ITPKA: variants seen among roughly 807,000 people sequenced by gnomAD.
ITPKA encodes the protein inositol-trisphosphate 3-kinase A.
Under a neutral mutation model 40.7 loss-of-function variants are expected in ITPKA, and 16 were observed. That is an observed-to-expected ratio of 0.39 (90% confidence interval 0.27 to 0.60). The LOEUF (loss-of-function observed/expected upper bound fraction) is 0.60, where lower values mean the gene tolerates loss of function less well. ITPKA is among the 20% of genes least tolerant of loss of function. The pLI is 0.50. For synonymous variants in ITPKA, 313 were observed against 289.9 expected (o/e 1.08, Z -0.81); for missense variants, 540 against 649.3 (o/e 0.83, Z 1.83).
intron 1 of ITPKA, among the ~76,000 whole-genome samples, chr15:41,499,422 AGCT>A (rs1481167041): frequency 1.3e-5 from 2 of 152,212 alleles, no homozygotes; most frequent in Non-Finnish European, 2.9e-5. Context: ...TTACGGCAGC[AGCT>A]ATGTCCTCCC....
At chr15:41,496,496 G>T (rs531436786) in intron 1 of ITPKA, among the ~76,000 whole-genome samples, 103 of 152,354 alleles carry the variant, frequency 6.8e-4, no homozygotes, top group African/African-American at 2.4e-3. Flanking sequence ...TCACAGGCAG[G>T]CTTTTCCTAA....
rs367624340 is a variant in ITPKA, at chr15:41,503,148, C to T, written c.1368C>T (p.Ala456=). 3.4e-5 allele frequency: 54 copies of T among 1,588,458 alleles called. 1 individual carries two copies. Among genetic ancestry groups the T allele is most frequent in the Non-Finnish European group, 4.6e-5 (53 of 1,160,522 alleles). The change falls in exon 7 of 7, where the codon GCC becomes GCT. Residue 456 remains alanine (A), a synonymous_variant. Coordinates refer to ENST00000260386, the MANE Select transcript of ITPKA (RefSeq NM_002220.3). ...TGGACAATCTCATTGGCATCCTGGCCAGCCTGGCTGAGAGATGAGGCTGGA... is the reference window on the plus strand; with the variant it reads ...TGGACAATCTCATTGGCATCCTGGCTAGCCTGGCTGAGAGATGAGGCTGGA... ...LGLDNLIGIL[A]SLAER
chr15:41,501,876 TG>T (rs775095464), intron 3 of ITPKA, 25 bp downstream of exon 3: 2 of 1,607,768 alleles, frequency 1.2e-6, no homozygotes, highest in Admixed American at 1.7e-5. Flanking sequence ...CCAGGTCGGT[TG>T]GGGGGATCAA....
At position 41,503,008 on chromosome 15, in the gene ITPKA, G is replaced by C; in HGVS notation, c.1228G>C (p.Ala410Pro). The C allele has an allele frequency of 6.2e-7, 1 of 1,608,016 alleles. No homozygotes were observed. Among genetic ancestry groups the C allele is most frequent in the Non-Finnish European group, 8.5e-7 (1 of 1,176,738 alleles). Residue 410 changes from alanine to proline, a missense_variant, in exon 7 of 7, where the codon GCC becomes CCC. Physicochemically the swap from Ala to Pro is conservative, Grantham distance 27. Coordinates refer to ENST00000260386, the MANE Select transcript of ITPKA (RefSeq NM_002220.3). ...CTTTGTGCACGATCACTGCCATCGCGCCGGCGTGTGGCTCATCGACTTCGG... is the reference window on the plus strand; with the variant it reads ...CTTTGTGCACGATCACTGCCATCGCCCCGGCGTGTGGCTCATCGACTTCGG... ...LLFVHDHCHR[A>P]GVWLIDFGKT...
At position 41,501,454 on chromosome 15, in the gene ITPKA, C is replaced by G. The variant is rs2051109553; in HGVS notation, c.490-9C>G. Reference sequence around the variant, plus strand: ...GCCGATTATCAGACCTTGACCCTGTCGCTTTCAGAAAAACCACTGGCAGAA... The same window carrying G: ...GCCGATTATCAGACCTTGACCCTGTGGCTTTCAGAAAAACCACTGGCAGAA... On this transcript the variant is annotated splice_polypyrimidine_tract_variant and intron_variant, in intron 1 of 6. Transcript: ENST00000260386. 3.7e-6 allele frequency: 6 copies of G among 1,604,552 alleles called. No homozygotes were observed. Among genetic ancestry groups the G allele is most frequent in the South Asian group, 1.1e-5 (1 of 88,988 alleles).
At chr15:41,495,297 T>C (rs973103366) in intron 1 of ITPKA, among the ~76,000 whole-genome samples, 4 of 152,194 alleles carry the variant, frequency 2.6e-5, no homozygotes, top group Non-Finnish European at 4.4e-5. Flanking sequence ...CGAAGGACTT[T>C]CTTTAGATCC....
At chr15:41,498,166 C>T (rs2051087090) in intron 1 of ITPKA, among the ~76,000 whole-genome samples, 1 of 151,862 alleles carries the variant, frequency 6.6e-6, no homozygotes, top group African/African-American at 2.4e-5. Context: ...ATCAACCAGG[C>T]ATGGTGACTC....
chr15:41,499,413 T>TA (rs1223761733), intron 1 of ITPKA, among the ~76,000 whole-genome samples: 1 of 152,202 alleles, frequency 6.6e-6, no homozygotes, highest in East Asian at 1.9e-4. Flanking sequence ...TGGTTCGTGT[T>TA]ACGGCAGCAG....
Position 41,494,469 on chromosome 15 carries a change from C to T in ITPKA, c.489+53C>T, listed in dbSNP as rs1156660999. On this transcript the variant is annotated intron_variant, in intron 1 of 6. Transcript: ENST00000260386. The surrounding 1 kb of genome is among the most constrained non-coding windows in gnomAD (Gnocchi z 7.8). ...CCGGGCGCGGGGGCTGCACGGGGGA[C>T]CTGGCTGGGTGCTCCCGGAGGACCC... 2.3e-5 allele frequency: 29 copies of T among 1,246,516 alleles called. No homozygotes were observed. The highest frequency in any genetic ancestry group is 3.1e-5 in the Non-Finnish European group (29 of 950,616). 77.2% of individuals were successfully genotyped at this position (1,246,516 alleles called of 1,614,324 possible).
chr15:41,495,737 C>T (rs966255241), intron 1 of ITPKA, among the ~76,000 whole-genome samples: 1 of 152,244 alleles, frequency 6.6e-6, no homozygotes, highest in Admixed American at 6.5e-5. Context: ...AGAGGCCCCC[C>T]GCCCCGCCTC....
chr15:41,502,225 C>G (rs759550396), intron 4 of ITPKA, 24 bp downstream of exon 4: 2 of 1,548,486 alleles, frequency 1.3e-6, no homozygotes. Flanking sequence ...GCTTCGCTGG[C>G]ACCGCCGCAG....
At chr15:41,501,043 C>G (rs1338038624) in intron 1 of ITPKA, among the ~76,000 whole-genome samples, 2 of 145,734 alleles carry the variant, frequency 1.4e-5, no homozygotes, top group Admixed American at 6.9e-5. Flanking sequence ...AATGGCCCTA[C>G]TCTAGACCAA....
At chr15:41,501,096 A>T (rs909926576) in intron 1 of ITPKA, among the ~76,000 whole-genome samples, 1 of 152,006 alleles carries the variant, frequency 6.6e-6, no homozygotes, top group Non-Finnish European at 1.5e-5. Flanking sequence ...TGCAATTTTT[A>T]ACAAGGGTGA....
chr15:41,501,266 C>T (rs2051107882), intron 1 of ITPKA, 197 bp from the exon 2 acceptor site: 2 of 970,216 alleles, frequency 2.1e-6, no homozygotes, highest in Admixed American at 6.2e-5. Flanking sequence ...CTGGAATCAC[C>T]TTCACTGCGC....
chr15:41,502,567 T>A (rs997757651), intron 5 of ITPKA, 64 bp downstream of exon 5: 1 of 1,047,068 alleles, frequency 9.6e-7, no homozygotes, highest in Admixed American at 1.7e-5. Context: ...GCCCCTGTCA[T>A]CTGGCCCAGT....
intron 4 of ITPKA, 53 bp downstream of exon 4, chr15:41,502,254 T>C (rs1490877917): frequency 1.3e-6 from 2 of 1,520,908 alleles, no homozygotes; most frequent in Admixed American, 1.9e-5. Context: ...CGCGCTGTCT[T>C]TCCCGATCCC....
rs984607372 is a variant in ITPKA at position 41,495,240 on chromosome 15, C to A, written c.489+824C>A. Among the ~76,000 whole-genome samples, 68 of 152,240 alleles carry A rather than the reference C, an allele frequency of 4.5e-4. 1 individual carries two copies. The highest frequency in any genetic ancestry group is 1.6e-3 in the African/African-American group (66 of 41,464). ...CCCGGGACACCCTCCTTGTTCCCCT[C>A]GTTTTAACCAAGGCCAAATACCTTG... On this transcript the variant is annotated intron_variant, in intron 1 of 6. Transcript: ENST00000260386.
In ITPKA at chr15:41,501,610, G is replaced by A. The variant is rs567117607; in HGVS notation, c.587-25G>A. The A allele has an allele frequency of 9.2e-5, 146 of 1,589,100 alleles. No individual in the cohort carries two copies. In the African/African-American group the frequency reaches 1.6e-3, roughly 18 times the overall value. ...TGCCCGCGACGGGAAGGGGCTGGGCGGCGCTGACGGATGCCGGTCCTCAGG... is the reference window on the plus strand; with the variant it reads ...TGCCCGCGACGGGAAGGGGCTGGGCAGCGCTGACGGATGCCGGTCCTCAGG... On this transcript the variant is annotated intron_variant, in intron 2 of 6. Transcript: ENST00000260386.
At chr15:41,495,061 G>A (rs2051061452) in intron 1 of ITPKA, among the ~76,000 whole-genome samples, 1 of 152,238 alleles carries the variant, frequency 6.6e-6, no homozygotes, top group African/African-American at 2.4e-5. Context: ...GGCAGAGAGG[G>A]GCGGTAAACT....
Sources: gnomAD v4.1 joint callset for allele counts (sites outside exome capture counted in the v4.1 genomes callset) on GRCh38, gnomAD v4.1.1 for gene constraint, Gnocchi (gnomAD v3.1) non-coding constraint, MANE v1.5 for transcripts, NCBI Gene and HGNC (gene_info 2026-07-23, HGNC 2026-07-21) for gene names.